Variants in NOS1 observed in about 807,000 individuals in gnomAD.
The protein encoded by NOS1 is nitric oxide synthase 1.
A neutral mutation model predicts 164.5 loss-of-function variants in NOS1; 51 were observed. The ratio of observed to expected loss-of-function variants is 0.31; its 90% CI spans 0.25 to 0.39. The LOEUF (loss-of-function observed/expected upper bound fraction) is 0.39, where lower values mean the gene tolerates loss of function less well. Ranked by LOEUF, NOS1 falls within the 10% of genes least tolerant of loss-of-function variation. The pLI, the probability that NOS1 is intolerant of heterozygous loss-of-function variation, is 1.00. For synonymous variants in NOS1, 719 were observed against 745.8 expected, an observed-to-expected ratio of 0.96 and a Z score of 0.59; for missense variants, 1,362 against 1,885.6, an observed-to-expected ratio of 0.72 and a Z score of 5.14.
rs76408208 is a variant in NOS1 at position 117,247,328 on chromosome 12, G to A, written c.2823+20C>T. 1.3e-6 allele frequency: 2 copies of A among 1,567,102 alleles called. No individual in the cohort carries two copies. The highest frequency in any genetic ancestry group is 1.7e-6 in the Non-Finnish European group (2 of 1,156,344). ...TGGGGAGCATTACTTTTTCCTGTAG[G>A]TCCATGAGATCCAGATTACCTTGAA... On this transcript the variant is annotated intron_variant, in intron 18 of 28. Transcript: ENST00000317775.
At chr12:117,314,363 T>A (rs1033513989) in intron 2 of NOS1, among the ~76,000 whole-genome samples, 3 of 152,166 alleles carry the variant, frequency 2.0e-5, no homozygotes, top group Non-Finnish European at 4.4e-5. Context: ...TGATCCTATA[T>A]CACATGACCA....
intron 3 of NOS1, among the ~76,000 whole-genome samples, chr12:117,293,352 G>C (rs541178221): frequency 6.6e-6 from 1 of 152,056 alleles, no homozygotes; most frequent in Admixed American, 6.5e-5. Context: ...GACAAGCCAC[G>C]GGTGGGAGCT....
rs1381281182 is a variant in NOS1, at chr12:117,212,857, T to G, written c.*2452A>C. On this transcript the variant is annotated 3_prime_UTR_variant, in exon 29 of 29. Coordinates refer to ENST00000317775, the MANE Select transcript of NOS1 (RefSeq NM_000620.5). ...GAGGTTACTCAACAGAGAGAGAGGC[T>G]TTTGGTATCAGGAATTCTGGCAAAT... 2.0e-6 allele frequency: 2 copies of G among 985,422 alleles called. No individual in the cohort carries two copies. Among genetic ancestry groups the G allele is most frequent in the East Asian group, 2.3e-4 (2 of 8,816 alleles). The allele number at this position is 985,422 out of a possible 1,614,324, so 61.0% of individuals were successfully genotyped here. A position where few individuals can be genotyped will look rare whatever the true frequency, so the allele number is the denominator to read the frequency against.
In NOS1 at chr12:117,227,445, G is replaced by C; in HGVS notation, c.3602C>G (p.Ser1201Cys). The C allele has an allele frequency of 6.2e-7, 1 of 1,613,946 alleles. No individual in the cohort carries two copies. The change falls in exon 23 of 29, where the codon TCC becomes TGC. Residue 1201 changes from serine (S) to cysteine (C), a missense_variant. This residue lies in a region of NOS1 where 737 missense variants were observed against 1,030.3 expected (regional missense o/e 0.72). Transcript: ENST00000317775. ...DEVHLTVAIVSYRTRDGEGPI... is the reference protein window; with the variant it reads ...DEVHLTVAIVCYRTRDGEGPI... ...CCTCCGCCCACCTCGAGTGCGGTAG[G>C]AAACGATGGCCACAGTGAGGTGCAC...
At position 117,210,940 on chromosome 12, in the gene NOS1, GTTTTATTTTA is replaced by G. The variant is rs200856589; in HGVS notation, c.*4359_*4368del. The stretch of plus-strand genomic sequence containing the variant: ...CCTCTCTCTCAGCTAGGGGCAAGAT[GTTTTATTTTA>G]TTTTATTTTATTTTATTTTTTTTGA... On this transcript the variant is annotated 3_prime_UTR_variant, in exon 29 of 29. Transcript: ENST00000317775. The G allele has an allele frequency of 1.0e-4, 98 of 976,956 alleles. No individual in the cohort carries two copies. In the African/African-American group the frequency reaches 1.3e-3, roughly 13 times the overall value. 60.5% of individuals were successfully genotyped at this position (976,956 alleles called of 1,614,324 possible).
chr12:117,328,809 T>C (rs1157773354), intron 2 of NOS1, among the ~76,000 whole-genome samples: 2 of 152,222 alleles, frequency 1.3e-5, no homozygotes, highest in African/African-American at 4.8e-5. Flanking sequence ...CGGGGACACA[T>C]TCTGTGAAAT....
At position 117,259,150 on chromosome 12, in the gene NOS1, G is replaced by A. The variant is rs779437012; in HGVS notation, c.2368-20C>T. On this transcript the variant is annotated intron_variant, in intron 14 of 28. Coordinates refer to ENST00000317775, the MANE Select transcript of NOS1 (RefSeq NM_000620.5). ...CATCACCTAGGTGGGCAGGGCACAG[G>A]TATAGGATGGGGAGAGGAAGAAGGG... The A allele has an allele frequency of 2.6e-6, 4 of 1,529,406 alleles. No homozygotes were observed. Among genetic ancestry groups the A allele is most frequent in the Non-Finnish European group, 2.7e-6 (3 of 1,103,410 alleles). The allele number at this position is 1,529,406 out of a possible 1,614,324, so 94.7% of individuals were successfully genotyped here.
chr12:117,255,684 A>G (rs1459134817), intron 16 of NOS1, among the ~76,000 whole-genome samples: 2 of 152,162 alleles, frequency 1.3e-5, no homozygotes, highest in African/African-American at 4.8e-5. Flanking sequence ...TTTTGTTATT[A>G]CCCTTTGACC....
At chr12:117,317,540 G>A (rs1006512447) in intron 2 of NOS1, among the ~76,000 whole-genome samples, 7 of 151,188 alleles carry the variant, frequency 4.6e-5, no homozygotes, top group Non-Finnish European at 8.8e-5. Flanking sequence ...AGGCAAAATT[G>A]TACTCCTAAC....
chr12:117,208,617 T>C lies in NOS1; in HGVS notation c.*6692A>G, dbSNP rs2135905052. On this transcript the variant is annotated 3_prime_UTR_variant, in exon 29 of 29. Transcript: ENST00000317775. ...CAGAGCACAGGACATGGGAGGGGACTGAGACCCAGCTCAAGAGCACTGGAT... is the reference window on the plus strand; with the variant it reads ...CAGAGCACAGGACATGGGAGGGGACCGAGACCCAGCTCAAGAGCACTGGAT... The C allele has an allele frequency of 8.6e-7, 1 of 1,168,848 alleles. No homozygotes were observed. Among genetic ancestry groups the C allele is most frequent in the Non-Finnish European group, 1.1e-6 (1 of 930,434 alleles). 72.4% of individuals were successfully genotyped at this position (1,168,848 alleles called of 1,614,324 possible).
intron 20 of NOS1, among the ~76,000 whole-genome samples, chr12:117,240,557 G>C (rs111590869): frequency 3.3e-5 from 5 of 152,208 alleles, no homozygotes; most frequent in Non-Finnish European, 7.3e-5. Flanking sequence ...AACCGGGTCG[G>C]TGTGACCTTG....
At chr12:117,219,808 C>A (rs1956672358) in intron 27 of NOS1, among the ~76,000 whole-genome samples, 1 of 152,166 alleles carries the variant, frequency 6.6e-6, no homozygotes, top group African/African-American at 2.4e-5. Context: ...TGGTTTCTGT[C>A]TAGCTACCAG....
chr12:117,220,685 A>G (rs1032984935), intron 26 of NOS1, among the ~76,000 whole-genome samples: 14 of 152,138 alleles, frequency 9.2e-5, no homozygotes, highest in African/African-American at 3.4e-4. Context: ...CCTATGTTAC[A>G]GTGCCAGGGA....
chr12:117,352,791 G>A (rs1033060139), intron 1 of NOS1, among the ~76,000 whole-genome samples: 1 of 152,156 alleles, frequency 6.6e-6, no homozygotes, highest in African/African-American at 2.4e-5. Context: ...GGAGGTGAGG[G>A]GATAGAAACG....
intron 2 of NOS1, among the ~76,000 whole-genome samples, chr12:117,328,555 T>A (rs1440356502): frequency 8.0e-6 from 1 of 125,594 alleles, no homozygotes; most frequent in African/African-American, 2.5e-5. Context: ...CCTTCCCTGC[T>A]TTTTTTTGTT....
chr12:117,310,042 G>A (rs1874354008), intron 3 of NOS1, among the ~76,000 whole-genome samples: 2 of 152,162 alleles, frequency 1.3e-5, no homozygotes, highest in South Asian at 4.1e-4. Flanking sequence ...GGGTGGCTGG[G>A]ACAACGGGCA....
In NOS1 at chr12:117,263,816, G is replaced by A. The variant is rs41373045; in HGVS notation, c.2222+73C>T. Reference sequence around the variant, plus strand: ...GAGAGGTCAGAGGGCACAGGAGTCTGCCCAGCCTCCTTCTCTGGGTTCTCT... The same window carrying A: ...GAGAGGTCAGAGGGCACAGGAGTCTACCCAGCCTCCTTCTCTGGGTTCTCT... On this transcript the variant is annotated intron_variant, in intron 13 of 28. Coordinates refer to ENST00000317775, the MANE Select transcript of NOS1 (RefSeq NM_000620.5). 1,000 of 1,169,530 alleles carry A rather than the reference G, an allele frequency of 8.6e-4. 8 individuals are homozygous for A. The African/African-American group carries it at 0.014, about 16-fold the overall frequency. The allele number at this position is 1,169,530 out of a possible 1,614,324, so 72.4% of individuals were successfully genotyped here.
At chr12:117,320,584 T>C (rs1874867861) in intron 2 of NOS1, among the ~76,000 whole-genome samples, 1 of 152,188 alleles carries the variant, frequency 6.6e-6, no homozygotes, top group Admixed American at 6.5e-5. Context: ...GGTGTATTGC[T>C]TTCAGCCACC....
In NOS1 at chr12:117,213,237, T is replaced by C. The variant is rs143103197; in HGVS notation, c.*2072A>G. 140 of 985,392 alleles carry C rather than the reference T, an allele frequency of 1.4e-4. No homozygotes were observed. In the African/African-American group the frequency reaches 2.1e-3, roughly 15 times the overall value. The allele number at this position is 985,392 out of a possible 1,614,324, so 61.0% of individuals were successfully genotyped here. A position where few individuals can be genotyped will look rare whatever the true frequency, so the allele number is the denominator to read the frequency against. On this transcript the variant is annotated 3_prime_UTR_variant, in exon 29 of 29. Coordinates refer to ENST00000317775, the MANE Select transcript of NOS1 (RefSeq NM_000620.5). ...CACAACAGTTTCCTTCCCTGGGGAATTGGGGAGGCGTCTCCAAAGCTATAA... is the reference window on the plus strand; with the variant it reads ...CACAACAGTTTCCTTCCCTGGGGAACTGGGGAGGCGTCTCCAAAGCTATAA...
Sources: gnomAD v4.1 joint callset for allele counts (sites outside exome capture counted in the v4.1 genomes callset) on GRCh38, gnomAD v4.1.1 for gene constraint, gnomAD v4.1.1 regional missense constraint, MANE v1.5 for transcripts, NCBI Gene and HGNC (gene_info 2026-07-23, HGNC 2026-07-21) for gene names.